Variants in TENM2 observed in about 807,000 individuals in gnomAD.
The protein encoded by TENM2 is teneurin transmembrane protein 2.
A neutral mutation model predicts 245.2 loss-of-function variants in TENM2; 52 were observed. The ratio of observed to expected loss-of-function variants is 0.21; its 90% CI spans 0.17 to 0.27. TENM2 has a LOEUF of 0.27. TENM2 is among the 10% of genes least tolerant of loss of function. TENM2 has a pLI of 1.00. For synonymous variants in TENM2, 1,363 were observed against 1,438.9 expected, an observed-to-expected ratio of 0.95 and a Z score of 1.19; for missense variants, 3,046 against 3,666.8, an observed-to-expected ratio of 0.83 and a Z score of 4.37.
chr5:168,016,297 C>T (rs1785647670), intron 5 of TENM2, among the ~76,000 whole-genome samples: 1 of 152,222 alleles, frequency 6.6e-6, no homozygotes, highest in African/African-American at 2.4e-5. Context: ...CCATAATGCT[C>T]CATCACCTCC....
chr5:167,727,553 G>A (rs965280385), intron 2 of TENM2, among the ~76,000 whole-genome samples: 2 of 152,200 alleles, frequency 1.3e-5, no homozygotes, highest in African/African-American at 4.8e-5. Context: ...GCTTACTACT[G>A]TTGTAACGTA....
intron 2 of TENM2, among the ~76,000 whole-genome samples, chr5:167,430,865 T>A (rs1389456174): frequency 6.6e-6 from 1 of 152,166 alleles, no homozygotes; most frequent in East Asian, 1.9e-4. Context: ...GATAATTTGG[T>A]CCACAGTTTT....
chr5:168,030,425 G>A (rs1787038878), intron 5 of TENM2, among the ~76,000 whole-genome samples: 1 of 152,062 alleles, frequency 6.6e-6, no homozygotes, highest in African/African-American at 2.4e-5. Context: ...TCTCAAACTT[G>A]AGCATTCATC....
In TENM2 at chr5:168,247,136, G is replaced by A. The variant is rs746367204; in HGVS notation, c.6197G>A (p.Arg2066Gln). The A allele has an allele frequency of 1.1e-5, 17 of 1,613,724 alleles. No homozygotes were observed. Among genetic ancestry groups the A allele is most frequent in the Admixed American group, 1.7e-5 (1 of 59,970 alleles). ...GGCTTCTCCTGCACCATCAGGTACC[G>A]GAAGATTGGCCCCCTGGTGGACAAG... Residue 2066 changes from arginine to glutamine, a missense_variant, in exon 27 of 29, where the codon CGG (arginine) becomes CAG (glutamine). Arg to Gln is a conservative substitution (Grantham distance 43). This residue lies in a region of TENM2 where 2,704 missense variants were observed against 3,331.9 expected (regional missense o/e 0.81). Transcript: ENST00000518659. This position sits in a 1 kb window ranked among gnomAD's most constrained non-coding sequence, Gnocchi z 7.8.
chr5:167,872,105 C>T (rs1185260295), intron 2 of TENM2, among the ~76,000 whole-genome samples: 1 of 151,636 alleles, frequency 6.6e-6, no homozygotes, highest in Non-Finnish European at 1.5e-5. Context: ...CCAGCCTGGG[C>T]AACATAGTGA....
chr5:167,004,562 T>A, the TENM2 span, among the ~76,000 whole-genome samples: 2 of 152,244 alleles, frequency 1.3e-5, no homozygotes, highest in African/African-American at 4.8e-5. Context: ...CAGGTCATAT[T>A]TGCTAGATCC....
the TENM2 span, among the ~76,000 whole-genome samples, chr5:167,114,717 T>A: frequency 1.7e-4 from 26 of 152,354 alleles, no homozygotes; most frequent in Admixed American, 4.6e-4. Flanking sequence ...GTGTATTGTG[T>A]ACTGAGTAAG....
intron 2 of TENM2, among the ~76,000 whole-genome samples, chr5:167,860,057 T>G (rs1449860332): frequency 5.4e-4 from 16 of 29,828 alleles, no homozygotes; most frequent in South Asian, 1.4e-3. Context: ...GGGAGGGAGG[T>G]GGGGGGGGGT....
Position 167,448,535 on chromosome 5 carries a change from A to C in TENM2, c.502+73062A>C, listed in dbSNP as rs139827172. 1.4e-3 allele frequency among the ~76,000 whole-genome samples: 213 copies of C among 148,746 alleles called. 2 individuals are homozygous for C. Among genetic ancestry groups the C allele is most frequent in the African/African-American group, 4.9e-3 (198 of 40,068 alleles). Reference sequence around the variant, plus strand: ...TTGCTATCTCGTATGTTAGGTAAGCATATGCTGCTATAAATAGGAAAACAA... The same window carrying C: ...TTGCTATCTCGTATGTTAGGTAAGCCTATGCTGCTATAAATAGGAAAACAA... On this transcript the variant is annotated intron_variant, in intron 2 of 28. Coordinates refer to ENST00000518659, the Ensembl canonical transcript of TENM2.
intron 2 of TENM2, among the ~76,000 whole-genome samples, chr5:167,859,075 G>T (rs1241850501): frequency 3.4e-4 from 49 of 144,510 alleles, no homozygotes; most frequent in Non-Finnish European, 3.9e-4. Context: ...GAGCGTCTCT[G>T]CCCGGCCGCC....
intron 3 of TENM2, among the ~76,000 whole-genome samples, chr5:167,895,027 G>GAGGC (rs200645251): frequency 1.5e-5 from 2 of 137,516 alleles, no homozygotes; most frequent in Admixed American, 1.4e-4. Flanking sequence ...GGGAGGGAGG[G>GAGGC]AGGCAGGGAG....
At chr5:167,258,673 T>C in the TENM2 span, among the ~76,000 whole-genome samples, 2 of 152,160 alleles carry the variant, frequency 1.3e-5, no homozygotes, top group East Asian at 3.9e-4. Flanking sequence ...CTGGGCCACT[T>C]TGCTTTTTTA....
intron 1 of TENM2, among the ~76,000 whole-genome samples, chr5:167,361,683 A>G (rs11957484): frequency 0.022 from 3,357 of 152,346 alleles, 140 homozygotes; most frequent in African/African-American, 0.076. Context: ...AACTCTGTCA[A>G]CAGTTTTCAG....
intron 2 of TENM2, among the ~76,000 whole-genome samples, chr5:167,534,756 C>T (rs983410037): frequency 7.2e-5 from 11 of 152,272 alleles, no homozygotes; most frequent in East Asian, 3.9e-4. Context: ...AGGGATAACA[C>T]GGTGAGAGCT....
intron 2 of TENM2, among the ~76,000 whole-genome samples, chr5:167,397,999 T>G (rs1283397396): frequency 6.6e-6 from 1 of 152,170 alleles, no homozygotes; most frequent in African/African-American, 2.4e-5. Flanking sequence ...CTCCATGCAC[T>G]GTGATGATGT....
chr5:167,375,209 A>G, exon 2 of TENM2: 2 of 1,551,498 alleles, frequency 1.3e-6, no homozygotes, highest in Non-Finnish European at 8.7e-7. Context: ...AACCAACTTC[A>G]CCCTTGCCGA....
intron 1 of TENM2, among the ~76,000 whole-genome samples, chr5:167,326,678 T>C (rs1310377630): frequency 2.1e-5 from 3 of 141,866 alleles, no homozygotes; most frequent in Non-Finnish European, 4.5e-5. Flanking sequence ...GTCAGAATAA[T>C]AATAATAATT....
At chr5:168,151,216 C>T (rs963012679) in intron 12 of TENM2, among the ~76,000 whole-genome samples, 3 of 152,186 alleles carry the variant, frequency 2.0e-5, no homozygotes, top group South Asian at 2.1e-4. Context: ...GACAACTTGT[C>T]GCATGCATTA....
At chr5:167,813,663 A>AAT (rs1399241095) in intron 2 of TENM2, among the ~76,000 whole-genome samples, 5 of 152,128 alleles carry the variant, frequency 3.3e-5, no homozygotes, top group Admixed American at 6.5e-5. Flanking sequence ...CAGCCTGAGC[A>AAT]ATCACAGTTC....
Sources: allele counts gnomAD v4.1 joint callset (sites outside exome capture counted in the v4.1 genomes callset), GRCh38; gene constraint gnomAD v4.1.1; regional missense constraint gnomAD v4.1.1; non-coding constraint Gnocchi (gnomAD v3.1); transcripts MANE v1.5; gene names NCBI Gene and HGNC (gene_info 2026-07-23, HGNC 2026-07-21).